KLHL29: variants seen among roughly 807,000 people sequenced by gnomAD.
The protein encoded by KLHL29 is kelch-like protein 29.
A neutral mutation model predicts 80.4 loss-of-function variants in KLHL29; 21 were observed. The ratio of observed to expected loss-of-function variants is 0.26; its 90% CI spans 0.19 to 0.38. The LOEUF is 0.38. KLHL29 is among the 10% of genes least tolerant of loss of function. The probability of loss-of-function intolerance (pLI) is 1.00; values close to 1 mark genes in which losing one functional copy is unlikely to be tolerated. For missense variants in KLHL29, 867 were observed against 1,223.9 expected (o/e 0.71, Z 4.35); for synonymous variants, 511 against 526.8 (o/e 0.97, Z 0.41).
chr2:23,400,925 G>A (rs1276905402), intron 1 of KLHL29, among the ~76,000 whole-genome samples: 1 of 152,222 alleles, frequency 6.6e-6, no homozygotes, highest in Admixed American at 6.5e-5. Flanking sequence ...TGCAATCATA[G>A]GCAAGTTAAT....
chr2:23,563,947 G>C (rs73919760), intron 3 of KLHL29, among the ~76,000 whole-genome samples: 2,330 of 152,364 alleles, frequency 0.015, 54 homozygotes, highest in African/African-American at 0.052. Flanking sequence ...GCGCCAGCCC[G>C]AGCGCTGGTC....
chr2:23,583,124 G>T (rs1008178072), intron 3 of KLHL29, among the ~76,000 whole-genome samples: 3 of 152,222 alleles, frequency 2.0e-5, no homozygotes, highest in Non-Finnish European at 4.4e-5. Context: ...TCCAGAGGGG[G>T]TGTGGCCCTG....
chr2:23,696,261 TG>T lies in KLHL29; in HGVS notation c.1925-68del. The T allele has an allele frequency of 6.7e-7, 1 of 1,500,486 alleles. No individual in the cohort carries two copies. Among genetic ancestry groups the T allele is most frequent in the Non-Finnish European group, 9.0e-7 (1 of 1,105,370 alleles). The allele number at this position is 1,500,486 out of a possible 1,614,324, so 92.9% of individuals were successfully genotyped here. A position where few individuals can be genotyped will look rare whatever the true frequency, so the allele number is the denominator to read the frequency against. ...TGCAGGTGAAGCCTTCCTCTGCCCCTGGGGCTGGGCCTGCTGACCCCAGGCC... is the reference window on the plus strand; with the variant it reads ...TGCAGGTGAAGCCTTCCTCTGCCCCTGGGCTGGGCCTGCTGACCCCAGGCC... On this transcript the variant is annotated intron_variant, in intron 10 of 13. Coordinates refer to ENST00000486442, the MANE Select transcript of KLHL29 (RefSeq NM_052920.2). The surrounding 1 kb of genome is among the most constrained non-coding windows in gnomAD (Gnocchi z 5.5).
intron 1 of KLHL29, among the ~76,000 whole-genome samples, chr2:23,472,846 A>G (rs964969605): frequency 1.3e-5 from 2 of 152,232 alleles, no homozygotes; most frequent in Admixed American, 6.5e-5. Flanking sequence ...ATTCAGATGT[A>G]TCTGATTCCA....
At chr2:23,670,922 CT>C (rs1670708634) in intron 5 of KLHL29, among the ~76,000 whole-genome samples, 1 of 2,334 alleles carries the variant, frequency 4.3e-4, no homozygotes, top group African/African-American at 1.5e-3. Context: ...CACGCGCTCT[CT>C]CTCTCTCTCT....
chr2:23,420,108 C>A (rs1010925591), intron 1 of KLHL29, among the ~76,000 whole-genome samples: 1 of 152,142 alleles, frequency 6.6e-6, no homozygotes, highest in Non-Finnish European at 1.5e-5. Context: ...ATGTGGTGAC[C>A]CTTGGCCTCG....
intron 2 of KLHL29, among the ~76,000 whole-genome samples, chr2:23,535,987 C>T (rs1480900650): frequency 6.6e-6 from 1 of 152,150 alleles, no homozygotes; most frequent in Non-Finnish European, 1.5e-5. Context: ...AGCCTCCTGG[C>T]CCCCTTAAAT....
At chr2:23,434,909 G>A (rs967305888) in intron 1 of KLHL29, among the ~76,000 whole-genome samples, 1 of 152,194 alleles carries the variant, frequency 6.6e-6, no homozygotes, top group Non-Finnish European at 1.5e-5. Flanking sequence ...GTGTCAGGCT[G>A]TCTTACCACC....
intron 1 of KLHL29, among the ~76,000 whole-genome samples, chr2:23,423,680 C>T (rs1662916322): frequency 6.6e-6 from 1 of 152,060 alleles, no homozygotes; most frequent in Admixed American, 6.5e-5. Flanking sequence ...AACACCATTC[C>T]ATTCTCCATG....
chr2:23,401,478 G>A (rs1279222873), intron 1 of KLHL29, among the ~76,000 whole-genome samples: 1 of 152,216 alleles, frequency 6.6e-6, no homozygotes, highest in African/African-American at 2.4e-5. Context: ...ATCTCTGAAT[G>A]AGGTTGGCGG....
intron 1 of KLHL29, among the ~76,000 whole-genome samples, chr2:23,428,128 C>T (rs928325072): frequency 2.0e-5 from 3 of 152,200 alleles, no homozygotes; most frequent in African/African-American, 7.2e-5. Flanking sequence ...GAGCACCTGC[C>T]GCATGGCCTC....
Position 23,670,977 on chromosome 2 carries a change from TCTCCCTCCCTCCCTCCCTCCCTCCC to T in KLHL29, c.941-13420_941-13396del. On this transcript the variant is annotated intron_variant, in intron 5 of 13. Transcript: ENST00000486442. ...CTCTCTCTCTCTCTCTCTCTCTCTC[TCTCCCTCCCTCCCTCCCTCCCTCCC>T]CCCCCCCACCTCCTCCCTTCCCTCC... 3.1e-4 allele frequency among the ~76,000 whole-genome samples: 2 copies of T among 6,368 alleles called. 1 individual carries two copies. The highest frequency in any genetic ancestry group is 1.0e-3 in the African/African-American group (2 of 1,984). The allele number at this position is 6,368 out of a possible 152,430, so 4.2% of individuals were successfully genotyped here. A position where few individuals can be genotyped will look rare whatever the true frequency, so the allele number is the denominator to read the frequency against.
intron 1 of KLHL29, among the ~76,000 whole-genome samples, chr2:23,471,502 T>G (rs979833003): frequency 2.0e-5 from 3 of 152,218 alleles, no homozygotes; most frequent in Non-Finnish European, 1.5e-5. Flanking sequence ...AATAGCCCAT[T>G]CAAGGGTCTT....
intron 5 of KLHL29, among the ~76,000 whole-genome samples, chr2:23,670,982 CTCCCTCCCTCCCT>C (rs1670722752): frequency 2.4e-4 from 2 of 8,392 alleles, no homozygotes; most frequent in Admixed American, 2.0e-3. Flanking sequence ...CTCTCTCTCC[CTCCCTCCCTCCCT>C]CCCTCCCCCC....
chr2:23,515,541 C>G (rs1192159107), intron 2 of KLHL29, among the ~76,000 whole-genome samples: 1 of 152,188 alleles, frequency 6.6e-6, no homozygotes, highest in African/African-American at 2.4e-5. Flanking sequence ...CTGTGTTTTT[C>G]TGTGTAGTAA....
rs768911245 is a variant in KLHL29 at position 23,691,789 on chromosome 2, A to G, written c.1195A>G (p.Ile399Val). 163 of 1,551,428 alleles carry G rather than the reference A, an allele frequency of 1.1e-4. No homozygotes were observed. Among genetic ancestry groups the G allele is most frequent in the Non-Finnish European group, 1.3e-4 (153 of 1,147,012 alleles). The change falls in exon 7 of 14, where the codon ATC becomes GTC. Residue 399 changes from isoleucine (I) to valine (V), a missense_variant. Physicochemically the swap from Ile to Val is conservative, Grantham distance 29. This residue lies in a region of KLHL29 where 443 missense variants were observed against 767.0 expected (regional missense o/e 0.58). Transcript: ENST00000486442. ...GTTTGTCTACACGGGCTCCCTGGTC[A>G]TCGACTCGGCCAACGCCAAGACACT... is the stretch of plus-strand genomic sequence containing the variant. Reference protein sequence around the residue: ...LEFVYTGSLVIDSANAKTLLE... With the variant: ...LEFVYTGSLVVDSANAKTLLE...
chr2:23,488,072 A>C (rs1664982327), intron 2 of KLHL29, among the ~76,000 whole-genome samples: 1 of 152,190 alleles, frequency 6.6e-6, no homozygotes, highest in Non-Finnish European at 1.5e-5. Flanking sequence ...TTTCTAGAAC[A>C]GCTTCAAACA....
In KLHL29 at chr2:23,457,740, G is replaced by T. The variant is rs183164823; in HGVS notation, c.-153-17820G>T. ...CTCTAAAGAAAACGTAAGGCCGGGC[G>T]CGGTGGCTCACACCTGTAATCCCAG... On this transcript the variant is annotated intron_variant, in intron 1 of 13. Coordinates refer to ENST00000486442, the MANE Select transcript of KLHL29 (RefSeq NM_052920.2). This position sits in a 1 kb window ranked among gnomAD's most constrained non-coding sequence, Gnocchi z 4.3. Among the ~76,000 whole-genome samples the T allele has an allele frequency of 6.6e-6, 1 of 152,182 alleles. No homozygotes were observed. The highest frequency in any genetic ancestry group is 2.4e-5 in the African/African-American group (1 of 41,450).
At chr2:23,672,030 G>C (rs1670778578) in intron 5 of KLHL29, 1 of 152,314 alleles carries the variant, frequency 6.6e-6, no homozygotes, top group Non-Finnish European at 1.5e-5. Context: ...GGATATGTCA[G>C]GCCTATGATA....
Sources: gnomAD v4.1 joint callset for allele counts (sites outside exome capture counted in the v4.1 genomes callset) on GRCh38, gnomAD v4.1.1 for gene constraint, gnomAD v4.1.1 regional missense constraint, Gnocchi (gnomAD v3.1) non-coding constraint, MANE v1.5 for transcripts, NCBI Gene and HGNC (gene_info 2026-07-23, HGNC 2026-07-21) for gene names.